The following TUSC3 variants were observed in gnomAD, a reference collection of about 807,000 sequenced individuals.
TUSC3 encodes tumor suppressor candidate 3, also known as dolichyl-diphosphooligosaccharide--protein glycosyltransferase subunit TUSC3.
Under a neutral mutation model 44.8 loss-of-function variants are expected in TUSC3, and 45 were observed. That is an observed-to-expected ratio of 1.00 (90% CI 0.79 to 1.29). TUSC3 has a LOEUF of 1.29. Among genes scored for constraint, TUSC3 ranks in the 50% most tolerant of loss-of-function variants. The pLI is 0.00. For missense variants in TUSC3, 519 were observed against 437.9 expected, an observed-to-expected ratio of 1.19 and a Z score of -1.65; for synonymous variants, 212 against 152.9, an observed-to-expected ratio of 1.39 and a Z score of -2.85.
intron 2 of TUSC3, among the ~76,000 whole-genome samples, chr8:15,519,059 C>T (rs1801259050): frequency 6.6e-6 from 1 of 152,056 alleles, no homozygotes; most frequent in Non-Finnish European, 1.5e-5. Context: ...TTGTGTGGTC[C>T]TGGATTTTGG....
At position 15,553,785 on chromosome 8, in the gene TUSC3, A is replaced by G. The variant is rs1354953704; in HGVS notation, c.138+13217A>G. On this transcript the variant is annotated intron_variant, in intron 1 of 10. Transcript: ENST00000503731. The stretch of plus-strand genomic sequence containing the variant: ...TGGTGGTAGCTGGAGAAGAAGCTGA[A>G]ATGAAAATAAAGAATGTTATGTCAG... Among the ~76,000 whole-genome samples the G allele has an allele frequency of 3.3e-5, 5 of 151,686 alleles. 1 individual carries two copies. Among genetic ancestry groups the G allele is most frequent in the Non-Finnish European group, 4.4e-5 (3 of 67,846 alleles).
chr8:15,431,929 T>C (rs138743823), intron 1 of TUSC3, among the ~76,000 whole-genome samples: 1 of 132,796 alleles, frequency 7.5e-6, no homozygotes, highest in East Asian at 2.0e-4. Context: ...CATTATCACA[T>C]TTATTTATGT....
intron 6 of TUSC3, among the ~76,000 whole-genome samples, chr8:15,684,722 G>C (rs1279745089): frequency 1.3e-5 from 2 of 152,130 alleles, no homozygotes; most frequent in East Asian, 3.9e-4. Context: ...CTCAAGCTAA[G>C]GCCACAGATC....
At chr8:15,802,538 C>T in the TUSC3 span, among the ~76,000 whole-genome samples, 1 of 152,162 alleles carries the variant, frequency 6.6e-6, no homozygotes, top group African/African-American at 2.4e-5. Context: ...TCTCCTGCCT[C>T]AGCCTCCCAA....
chr8:15,815,498 C>T, the TUSC3 span, among the ~76,000 whole-genome samples: 2 of 151,932 alleles, frequency 1.3e-5, no homozygotes, highest in East Asian at 1.9e-4. Context: ...CTCCAGTGGG[C>T]CAGGAATAGG....
chr8:15,480,106 C>T (rs1800638188), intron 1 of TUSC3, among the ~76,000 whole-genome samples: 1 of 152,082 alleles, frequency 6.6e-6, no homozygotes, highest in Non-Finnish European at 1.5e-5. Flanking sequence ...AAGTGAAGGA[C>T]CTCTTCAAAG....
At position 15,650,725 on chromosome 8, in the gene TUSC3, G is replaced by A; in HGVS notation, c.337G>A (p.Ala113Thr). Residue 113 changes from alanine (A) to threonine (T), a missense_variant, in exon 3 of 11, where the codon GCG becomes ACG. Ala to Thr is a moderately conservative substitution (Grantham distance 58). Coordinates refer to ENST00000503731, the MANE Select transcript of TUSC3 (RefSeq NM_006765.4). ...AGCTAATGAAGAATATCAAATACTG[G>A]CGAACTCCTGGCGCTATTCATCTGC... ...RQANEEYQIL[A>T]NSWRYSSAFC... 1 of 1,614,022 alleles carries A rather than the reference G, an allele frequency of 6.2e-7. No homozygotes were observed.
At chr8:15,514,792 A>T (rs1801191907) in intron 2 of TUSC3, among the ~76,000 whole-genome samples, 1 of 152,224 alleles carries the variant, frequency 6.6e-6, no homozygotes, top group Non-Finnish European at 1.5e-5. Context: ...CTGTGGCATC[A>T]GGTGGACCTC....
At chr8:15,581,910 C>A (rs1402831945) in intron 1 of TUSC3, among the ~76,000 whole-genome samples, 5 of 143,832 alleles carry the variant, frequency 3.5e-5, no homozygotes. Context: ...CCCCCAGCCT[C>A]GCTGCCGCCT....
chr8:15,439,982 C>T (rs1799999214), intron 1 of TUSC3, among the ~76,000 whole-genome samples: 1 of 152,082 alleles, frequency 6.6e-6, no homozygotes, highest in Non-Finnish European at 1.5e-5. Flanking sequence ...AGTGAGTGTC[C>T]ACTCTATACC....
upstream of TUSC3, among the ~76,000 whole-genome samples, chr8:15,537,795 GGAGA>G (rs1475604553): frequency 6.6e-6 from 1 of 152,120 alleles, no homozygotes. Context: ...CACAAGTTGG[GGAGA>G]GAAAGGGAAA....
At chr8:15,738,115 C>CTTGT (rs1230192891) in intron 7 of TUSC3, among the ~76,000 whole-genome samples, 1 of 152,092 alleles carries the variant, frequency 6.6e-6, no homozygotes, top group Non-Finnish European at 1.5e-5. Flanking sequence ...CTGCTCTTTT[C>CTTGT]TTGTTAAAGC....
chr8:15,507,456 C>A (rs1801072104), intron 2 of TUSC3, among the ~76,000 whole-genome samples: 1 of 152,096 alleles, frequency 6.6e-6, no homozygotes, highest in African/African-American at 2.4e-5. Context: ...AGATAGTTAA[C>A]TGGAAAAATA....
chr8:15,693,048 C>T (rs1484178121), intron 6 of TUSC3, among the ~76,000 whole-genome samples: 2 of 152,168 alleles, frequency 1.3e-5, no homozygotes, highest in Non-Finnish European at 2.9e-5. Context: ...CTATGGATGT[C>T]ACTGCATGTG....
chr8:15,664,467 ATTATTATT>A (rs1807568810), intron 5 of TUSC3, among the ~76,000 whole-genome samples: 1 of 138,174 alleles, frequency 7.2e-6, no homozygotes, highest in East Asian at 2.3e-4. Flanking sequence ...TATTATTATT[ATTATTATT>A]ATTATTTTGC....
At chr8:15,436,776 A>C (rs1348719421) in intron 1 of TUSC3, among the ~76,000 whole-genome samples, 1 of 152,186 alleles carries the variant, frequency 6.6e-6, no homozygotes, top group East Asian at 1.9e-4. Flanking sequence ...CACCTCATTC[A>C]CAGCTGTAAG....
intron 3 of TUSC3, among the ~76,000 whole-genome samples, chr8:15,654,796 C>CA (rs1050906823): frequency 6.0e-5 from 9 of 150,944 alleles, no homozygotes; most frequent in African/African-American, 1.5e-4. Context: ...GACTCCATCT[C>CA]AAAAAAAATA....
intron 2 of TUSC3, among the ~76,000 whole-genome samples, chr8:15,643,764 C>T (rs906124831): frequency 6.6e-6 from 1 of 152,084 alleles, no homozygotes; most frequent in African/African-American, 2.4e-5. Flanking sequence ...ATATGTATAG[C>T]GCAACCAGAG....
At chr8:15,695,440 A>G (rs530371990) in intron 6 of TUSC3, among the ~76,000 whole-genome samples, 1 of 152,278 alleles carries the variant, frequency 6.6e-6, no homozygotes, top group South Asian at 2.1e-4. Context: ...GTCACATGGA[A>G]CTGTAAGTCC....
Sources: allele counts gnomAD v4.1 joint callset (sites outside exome capture counted in the v4.1 genomes callset), GRCh38; gene constraint gnomAD v4.1.1; transcripts MANE v1.5; gene names NCBI Gene and HGNC (gene_info 2026-07-23, HGNC 2026-07-21).